MANBA: variants seen among roughly 807,000 people sequenced by gnomAD.
MANBA encodes beta-mannosidase.
Under a neutral mutation model 111.1 loss-of-function variants are expected in MANBA, and 83 were observed. The observed-to-expected ratio is 0.75, with a 90% confidence interval of 0.63 to 0.90. The LOEUF (loss-of-function observed/expected upper bound fraction) is 0.90, where lower values mean the gene tolerates loss of function less well. Among genes scored for constraint, MANBA ranks in the 40% least tolerant of loss-of-function variants. The pLI, the probability that MANBA is intolerant of heterozygous loss-of-function variation, is 0.00. For missense variants in MANBA, 1,036 were observed against 1,069.0 expected, an observed-to-expected ratio of 0.97 and a Z score of 0.43; for synonymous variants, 370 against 378.7, an observed-to-expected ratio of 0.98 and a Z score of 0.27.
chr4:102,731,126 G>A (rs976468788), intron 1 of MANBA, among the ~76,000 whole-genome samples: 4 of 151,854 alleles, frequency 2.6e-5, no homozygotes, highest in South Asian at 2.1e-4. Flanking sequence ...GTGCTCTTGC[G>A]ATCTTGATTG....
chr4:102,736,584 G>A (rs570302800), intron 1 of MANBA, among the ~76,000 whole-genome samples: 18 of 152,194 alleles, frequency 1.2e-4, no homozygotes, highest in East Asian at 3.8e-4. Flanking sequence ...GTTTACAGGC[G>A]TTGTTTTCTT....
At position 102,657,701 on chromosome 4, in the gene MANBA, G is replaced by A. The variant is rs374407182; in HGVS notation, c.1685C>T (p.Ser562Phe). The change falls in exon 12 of 17, where the codon TCC (serine) becomes TTC (phenylalanine). Residue 562 changes from serine to phenylalanine, a missense_variant. Coordinates refer to ENST00000647097, the MANE Select transcript of MANBA (RefSeq NM_005908.4). Reference sequence around the variant, plus strand: ...ACTTACCTTTTCTAATGTACTGAAGGACGGCCAGGACTGATATCCATATTC... The same window carrying A: ...ACTTACCTTTTCTAATGTACTGAAGAACGGCCAGGACTGATATCCATATTC... ...ASEYGYQSWP[S>F]FSTLEKVSST... is the part of the protein sequence containing the mutation. 1.2e-6 allele frequency: 2 copies of A among 1,611,636 alleles called. No individual in the cohort carries two copies. The highest frequency in any genetic ancestry group is 2.7e-5 in the African/African-American group (2 of 74,874).
Position 102,664,817 on chromosome 4 carries a change from T to C in MANBA, c.1353A>G (p.Ile451Met), listed in dbSNP as rs757021334. ...CCTCATTTTCATTATTGCCACTCCA[T>C]ATGATGATAGAAGGATGAGATTTCA... Reference protein sequence around the residue: ...KRLKSHPSIIIWSGNNENEEA... With the variant: ...KRLKSHPSIIMWSGNNENEEA... The change falls in exon 11 of 17, where the codon ATA (isoleucine) becomes ATG (methionine). Residue 451 changes from isoleucine to methionine, a missense_variant. Physicochemically the swap from Ile to Met is conservative, Grantham distance 10. Transcript: ENST00000647097. 16 of 1,608,410 alleles carry C rather than the reference T, an allele frequency of 9.9e-6. No homozygotes were observed. The highest frequency in any genetic ancestry group is 2.7e-5 in the African/African-American group (2 of 74,800).
chr4:102,710,199 TGGAAAAGA>T (rs1448678240), intron 5 of MANBA, among the ~76,000 whole-genome samples: 3 of 151,956 alleles, frequency 2.0e-5, no homozygotes, highest in African/African-American at 4.8e-5. Context: ...GGTACCAAAT[TGGAAAAGA>T]GGAAGTAAAA....
At chr4:102,760,697 C>T in intron 1 of MANBA, 21 bp downstream of exon 1, 1 of 1,514,324 alleles carries the variant, frequency 6.6e-7, no homozygotes, top group South Asian at 1.2e-5. Flanking sequence ...AGGCTCGCCG[C>T]GGGTCGGCCG....
At chr4:102,679,191 G>T (rs1409003266) in intron 7 of MANBA, among the ~76,000 whole-genome samples, 1 of 152,036 alleles carries the variant, frequency 6.6e-6, no homozygotes, top group East Asian at 1.9e-4. Flanking sequence ...TCTTTGTCGT[G>T]CCCTTGCAAT....
chr4:102,653,220 GCACACACA>G (rs71596357), intron 12 of MANBA, among the ~76,000 whole-genome samples: 9,174 of 145,378 alleles, frequency 0.063, 344 homozygotes, highest in Middle Eastern at 0.18. Context: ...AGATCTACAT[GCACACACA>G]CACACACACA....
At chr4:102,637,648 T>C (rs6533020) in intron 14 of MANBA, among the ~76,000 whole-genome samples, 83,577 of 152,028 alleles carry the variant, frequency 0.55, 23,405 homozygotes, top group African/African-American at 0.63. Context: ...GGAACAAGTA[T>C]TCATCTACAT....
At chr4:102,699,198 C>G (rs1187732962) in intron 5 of MANBA, among the ~76,000 whole-genome samples, 1 of 151,926 alleles carries the variant, frequency 6.6e-6, no homozygotes, top group Admixed American at 6.6e-5. Flanking sequence ...GATTTATATA[C>G]ATTGATTTTG....
chr4:102,752,984 T>A (rs1220994023), intron 1 of MANBA, among the ~76,000 whole-genome samples: 1 of 152,162 alleles, frequency 6.6e-6, no homozygotes, highest in Non-Finnish European at 1.5e-5. Flanking sequence ...AATAATAAAA[T>A]TTACGGAAAA....
At chr4:102,648,476 A>C (rs1050686665) in intron 13 of MANBA, among the ~76,000 whole-genome samples, 8 of 152,144 alleles carry the variant, frequency 5.3e-5, no homozygotes, top group Non-Finnish European at 1.0e-4. Flanking sequence ...AAGAAGCCAG[A>C]TGCAAAAGAT....
At position 102,669,026 on chromosome 4, in the gene MANBA, G is replaced by C. The variant is rs139157403; in HGVS notation, c.1254C>G (p.Ala418=). The part of the protein sequence containing the change: ...GIMVWQDFMF[A]CALYPTDQGF... ...CCTGATCAGTTGGATAAAGGGCACA[G>C]GCAAACATAAAATCCTGCCATACCT... is the stretch of plus-strand genomic sequence containing the variant. Residue 418 remains alanine (A), a synonymous_variant, in exon 10 of 17, where the codon GCC becomes GCG. Coordinates refer to ENST00000647097, the MANE Select transcript of MANBA (RefSeq NM_005908.4). The C allele has an allele frequency of 2.7e-4, 430 of 1,613,426 alleles. 1 individual carries two copies. In the African/African-American group the frequency reaches 5.0e-3, roughly 19 times the overall value.
chr4:102,759,133 C>CT (rs1453622118), intron 1 of MANBA, among the ~76,000 whole-genome samples: 18 of 114,984 alleles, frequency 1.6e-4, no homozygotes, highest in African/African-American at 6.7e-4. Flanking sequence ...TTAATTCTTT[C>CT]TTTCTTTTTT....
rs576831604 is a variant in MANBA at position 102,710,176 on chromosome 4, G to C, written c.673+4262C>G. 7.8e-4 allele frequency among the ~76,000 whole-genome samples: 118 copies of C among 152,064 alleles called. No individual in the cohort carries two copies. The Middle Eastern group carries it at 0.014, about 18-fold the overall frequency. ...TCCTATCCAGGGCAATAAAGCAAGA[G>C]AAAAACATAAAAGGTACCAAATTGG... On this transcript the variant is annotated intron_variant, in intron 5 of 16. Transcript: ENST00000647097.
Position 102,689,541 on chromosome 4 carries a change from T to C in MANBA, c.960+33A>G, listed in dbSNP as rs770204831. On this transcript the variant is annotated intron_variant, in intron 7 of 16. Transcript: ENST00000647097. ...TTACTATTTTTAAAAGAAATAAAAT[T>C]ATTTCACAAAATATTTTAAATTACT... is the stretch of plus-strand genomic sequence containing the variant. 5 of 1,349,438 alleles carry C rather than the reference T, an allele frequency of 3.7e-6. 1 individual carries two copies. Among genetic ancestry groups the C allele is most frequent in the South Asian group, 2.5e-5 (2 of 80,840 alleles). The allele number at this position is 1,349,438 out of a possible 1,614,324, so 83.6% of individuals were successfully genotyped here.
intron 1 of MANBA, among the ~76,000 whole-genome samples, chr4:102,731,080 T>C (rs1227519778): frequency 6.6e-6 from 1 of 152,130 alleles, no homozygotes; most frequent in East Asian, 1.9e-4. Context: ...AGGGACTGCG[T>C]TGAGGATAAA....
chr4:102,727,203 G>A, intron 1 of MANBA: 1 of 387,322 alleles, frequency 2.6e-6, no homozygotes, highest in Non-Finnish European at 4.9e-6. Context: ...TCCTGTGTGG[G>A]CACTTTCCTG....
chr4:102,741,502 C>G (rs1723403338), intron 1 of MANBA, among the ~76,000 whole-genome samples: 1 of 152,268 alleles, frequency 6.6e-6, no homozygotes. Flanking sequence ...GTTTATAGCA[C>G]CACAATTCGC....
intron 14 of MANBA, among the ~76,000 whole-genome samples, chr4:102,639,246 C>T (rs1047672788): frequency 6.6e-6 from 1 of 152,038 alleles, no homozygotes; most frequent in African/African-American, 2.4e-5. Flanking sequence ...TTCATTATGT[C>T]CTTAAAGGAC....
Sources: allele counts gnomAD v4.1 joint callset (sites outside exome capture counted in the v4.1 genomes callset), GRCh38; gene constraint gnomAD v4.1.1; transcripts MANE v1.5; gene names NCBI Gene and HGNC (gene_info 2026-07-23, HGNC 2026-07-21).